PTN: variants seen among roughly 807,000 people sequenced by gnomAD.
The protein encoded by PTN is pleiotrophin, also known as heparin affin regulatory protein.
Under a neutral mutation model 24.1 loss-of-function variants are expected in PTN, and 18 were observed. The observed-to-expected ratio is 0.75, with a 90% CI of 0.52 to 1.11. PTN has a LOEUF of 1.11. PTN is among the 50% of genes least tolerant of loss of function. The pLI is 0.00. For synonymous variants in PTN, 78 were observed against 68.6 expected, an observed-to-expected ratio of 1.14 and a Z score of -0.67; for missense variants, 163 against 198.8, an observed-to-expected ratio of 0.82 and a Z score of 1.08.
At chr7:137,243,935 C>T (rs554878599) in intron 4 of PTN, among the ~76,000 whole-genome samples, 7 of 152,236 alleles carry the variant, frequency 4.6e-5, no homozygotes, top group South Asian at 4.1e-4. Context: ...CCTGGTCTTG[C>T]GGCATCCAAG....
At chr7:137,330,524 C>T (rs904334721) in intron 1 of PTN, among the ~76,000 whole-genome samples, 2 of 152,136 alleles carry the variant, frequency 1.3e-5, no homozygotes, top group Non-Finnish European at 2.9e-5. Flanking sequence ...TGCTCCAGCC[C>T]ACAAAAAGCA....
intron 1 of PTN, among the ~76,000 whole-genome samples, chr7:137,331,179 G>GAGTC (rs76512450): frequency 0.38 from 58,292 of 151,792 alleles, 11,446 homozygotes; most frequent in South Asian, 0.47. Context: ...GAAACCCACA[G>GAGTC]AGCCTGCTTT....
rs138235674 is a variant in PTN, at chr7:137,263,454, T to C, written c.-1-8480A>G. 1.6e-3 allele frequency among the ~76,000 whole-genome samples: 248 copies of C among 152,356 alleles called. 1 individual carries two copies. Among genetic ancestry groups the C allele is most frequent in the Non-Finnish European group, 2.8e-3 (193 of 68,030 alleles). On this transcript the variant is annotated intron_variant, in intron 1 of 4. Coordinates refer to ENST00000348225, the MANE Select transcript of PTN (RefSeq NM_002825.7). ...GTAGTCGAGAGCCAATCTATTTTGA[T>C]AGATAGCATTTCTTATCTGAGTTTC...
intron 1 of PTN, among the ~76,000 whole-genome samples, chr7:137,306,612 T>C (rs1415606012): frequency 3.3e-5 from 5 of 152,104 alleles, no homozygotes; most frequent in African/African-American, 1.2e-4. Context: ...CCAATTTTTT[T>C]TTGTAGAAAC....
At chr7:137,234,989 TAGCTAAAAGA>T (rs1043225460) in intron 4 of PTN, among the ~76,000 whole-genome samples, 7 of 152,200 alleles carry the variant, frequency 4.6e-5, no homozygotes, top group African/African-American at 1.7e-4. Context: ...GAATTCATTT[TAGCTAAAAGA>T]AGCTAAAATC....
At chr7:137,327,447 T>C (rs1299837195) in intron 1 of PTN, among the ~76,000 whole-genome samples, 1 of 152,110 alleles carries the variant, frequency 6.6e-6, no homozygotes, top group Non-Finnish European at 1.5e-5. Context: ...GATCATCTCT[T>C]TGGCTTTCCT....
chr7:137,340,379 A>C (rs1810515434), intron 1 of PTN, among the ~76,000 whole-genome samples: 1 of 152,222 alleles, frequency 6.6e-6, no homozygotes, highest in Non-Finnish European at 1.5e-5. Flanking sequence ...CAATCTAGAA[A>C]TATTGTAATG....
intron 3 of PTN, among the ~76,000 whole-genome samples, chr7:137,252,254 T>C (rs1039811047): frequency 5.9e-5 from 9 of 152,034 alleles, no homozygotes; most frequent in African/African-American, 1.9e-4. Context: ...TATCTCATTA[T>C]GGTTTCAATT....
At chr7:137,297,745 C>A (rs1481071779) in intron 1 of PTN, among the ~76,000 whole-genome samples, 1 of 151,972 alleles carries the variant, frequency 6.6e-6, no homozygotes, top group Admixed American at 6.6e-5. Context: ...AGAAGGCAGA[C>A]GGCAAACGAA....
chr7:137,288,020 C>G (rs1286985322), intron 1 of PTN, among the ~76,000 whole-genome samples: 4 of 152,266 alleles, frequency 2.6e-5, no homozygotes, highest in Non-Finnish European at 1.5e-5. Flanking sequence ...ATAACCTTGA[C>G]TACATCTTAG....
chr7:137,260,938 T>C (rs1390844429), intron 1 of PTN, among the ~76,000 whole-genome samples: 1 of 152,176 alleles, frequency 6.6e-6, no homozygotes, highest in African/African-American at 2.4e-5. Context: ...AAAGAAATGT[T>C]TTCCTTCATC....
chr7:137,264,675 G>A (rs972698607), intron 1 of PTN, among the ~76,000 whole-genome samples: 1 of 152,130 alleles, frequency 6.6e-6, no homozygotes, highest in South Asian at 2.1e-4. Context: ...CTGGGTTTAG[G>A]GTGTTGCAAA....
At chr7:137,314,885 A>T (rs1046939258) in intron 1 of PTN, among the ~76,000 whole-genome samples, 8 of 151,888 alleles carry the variant, frequency 5.3e-5, no homozygotes, top group Admixed American at 3.3e-4. Flanking sequence ...GAGCCACCGC[A>T]CCCGGCCCAT....
chr7:137,295,157 G>A (rs1328608604), intron 1 of PTN, among the ~76,000 whole-genome samples: 2 of 152,036 alleles, frequency 1.3e-5, no homozygotes, highest in Non-Finnish European at 2.9e-5. Flanking sequence ...TCTATGAACA[G>A]AAAAAGAATG....
At chr7:137,291,620 G>A (rs1282783464) in intron 1 of PTN, among the ~76,000 whole-genome samples, 1 of 152,010 alleles carries the variant, frequency 6.6e-6, no homozygotes, top group Non-Finnish European at 1.5e-5. Context: ...TCAAGTGCCA[G>A]TTGACATCCC....
At chr7:137,236,315 C>T (rs322295) in intron 4 of PTN, 337,832 of 700,062 alleles carry the variant, frequency 0.48, 83,719 homozygotes, top group East Asian at 0.69. Context: ...ACTTTCTTTA[C>T]ACAGTAGAGT....
intron 1 of PTN, among the ~76,000 whole-genome samples, chr7:137,291,185 T>C (rs1006865050): frequency 6.6e-6 from 1 of 152,226 alleles, no homozygotes; most frequent in Non-Finnish European, 1.5e-5. Flanking sequence ...TAAGTGTACA[T>C]ACACATTCAC....
chr7:137,247,518 G>A (rs764103433), intron 4 of PTN, among the ~76,000 whole-genome samples: 7 of 152,140 alleles, frequency 4.6e-5, no homozygotes, highest in Non-Finnish European at 8.8e-5. Context: ...AGGTTGGGAA[G>A]GGTAGTGATG....
At chr7:137,312,367 A>C (rs1275433984) in intron 1 of PTN, among the ~76,000 whole-genome samples, 1 of 152,194 alleles carries the variant, frequency 6.6e-6, no homozygotes, top group Non-Finnish European at 1.5e-5. Flanking sequence ...AGAGCAGGTA[A>C]ATGAGACAAG....
Sources: gnomAD v4.1 joint callset for allele counts (sites outside exome capture counted in the v4.1 genomes callset) on GRCh38, gnomAD v4.1.1 for gene constraint, MANE v1.5 for transcripts, NCBI Gene and HGNC (gene_info 2026-07-23, HGNC 2026-07-21) for gene names.